The following KLHDC4 variants were observed in gnomAD, a reference collection of about 807,000 sequenced individuals.
The protein encoded by KLHDC4 is kelch domain-containing protein 4.
Under a neutral mutation model 62.4 loss-of-function variants are expected in KLHDC4, and 90 were observed. The ratio of observed to expected loss-of-function variants is 1.44; its 90% confidence interval spans 1.22 to 1.72. The LOEUF (loss-of-function observed/expected upper bound fraction) is 1.72. KLHDC4 is among the 40% of genes most tolerant of loss of function. KLHDC4 has a pLI of 0.00. For synonymous variants in KLHDC4, 386 were observed against 284.4 expected, an observed-to-expected ratio of 1.36 and a Z score of -3.59; for missense variants, 1,025 against 699.7, an observed-to-expected ratio of 1.47 and a Z score of -5.25.
chr16:87,742,918 A>T (rs2042444465), intron 5 of KLHDC4: 1 of 152,262 alleles, frequency 6.6e-6, no homozygotes, highest in Non-Finnish European at 1.5e-5. Context: ...GCTGTAGTCC[A>T]GTGTCTGCCA....
intron 2 of KLHDC4, among the ~76,000 whole-genome samples, chr16:87,757,802 G>A (rs1481325725): frequency 3.9e-5 from 6 of 152,134 alleles, no homozygotes; most frequent in African/African-American, 7.2e-5. Flanking sequence ...TGAGGCAGGA[G>A]GATCACTTGA....
At chr16:87,725,532 CAA>C (rs1404560961) in intron 7 of KLHDC4, among the ~76,000 whole-genome samples, 2 of 152,176 alleles carry the variant, frequency 1.3e-5, no homozygotes, top group African/African-American at 4.8e-5. Context: ...AAAATTCTTT[CAA>C]AAGTTAGCTG....
chr16:87,750,590 G>C (rs1483054937), intron 4 of KLHDC4, among the ~76,000 whole-genome samples: 3 of 152,238 alleles, frequency 2.0e-5, no homozygotes, highest in African/African-American at 7.2e-5. Flanking sequence ...ACAGGGCGCA[G>C]AGAGGGCTGG....
intron 5 of KLHDC4, among the ~76,000 whole-genome samples, chr16:87,732,322 C>T (rs1279860338): frequency 6.6e-6 from 1 of 152,130 alleles, no homozygotes; most frequent in African/African-American, 2.4e-5. Context: ...TCTCGAACTC[C>T]TGACCTCAGG....
intron 5 of KLHDC4, among the ~76,000 whole-genome samples, chr16:87,737,496 G>C (rs1332184427): frequency 6.6e-6 from 1 of 152,052 alleles, no homozygotes; most frequent in African/African-American, 2.4e-5. Context: ...GCTGAGGCAA[G>C]AGAATCACTT....
chr16:87,703,370 T>C (rs934889730), downstream of KLHDC4: 2 of 151,988 alleles, frequency 1.3e-5, no homozygotes, highest in African/African-American at 4.8e-5. Context: ...GACCAGGGCA[T>C]GTCTCCCCCA....
intron 2 of KLHDC4, chr16:87,757,613 G>C (rs1224249593): frequency 6.6e-6 from 1 of 152,122 alleles, no homozygotes; most frequent in African/African-American, 2.4e-5. Flanking sequence ...TTATGGGCCA[G>C]GCCCGGTGGC....
downstream of KLHDC4, among the ~76,000 whole-genome samples, chr16:87,706,104 G>T (rs1226627488): frequency 1.4e-5 from 2 of 147,782 alleles, no homozygotes; most frequent in Non-Finnish European, 3.0e-5. Flanking sequence ...GGGCGGGCGG[G>T]CTGCCGGCGC....
At chr16:87,721,310 C>G (rs947431459) in intron 7 of KLHDC4, among the ~76,000 whole-genome samples, 5 of 151,526 alleles carry the variant, frequency 3.3e-5, no homozygotes, top group African/African-American at 4.9e-5. Context: ...GTCCCACCTA[C>G]TCCGGAGGCA....
intron 4 of KLHDC4, among the ~76,000 whole-genome samples, chr16:87,752,662 C>A (rs770123923): frequency 2.0e-5 from 3 of 152,118 alleles, no homozygotes; most frequent in African/African-American, 7.2e-5. Context: ...ATCCTTTCCT[C>A]CATCTTAGTT....
chr16:87,751,282 T>C (rs555046656), intron 4 of KLHDC4, among the ~76,000 whole-genome samples: 11 of 152,244 alleles, frequency 7.2e-5, no homozygotes, highest in African/African-American at 2.6e-4. Flanking sequence ...GAGACCAGCC[T>C]GACCAACATG....
intron 7 of KLHDC4, among the ~76,000 whole-genome samples, chr16:87,721,797 C>T (rs1277506329): frequency 6.6e-6 from 1 of 152,234 alleles, no homozygotes; most frequent in Non-Finnish European, 1.5e-5. Flanking sequence ...TATGCATGGA[C>T]GTTATCTCCT....
At chr16:87,714,468 G>T (rs2036531953) in intron 8 of KLHDC4, 30 bp downstream of exon 8, 1 of 1,612,182 alleles carries the variant, frequency 6.2e-7, no homozygotes, top group East Asian at 2.2e-5. Context: ...AGACCAGCCA[G>T]CTCCCGCCCT....
At chr16:87,760,340 G>A (rs2045670324) in intron 2 of KLHDC4, among the ~76,000 whole-genome samples, 1 of 151,588 alleles carries the variant, frequency 6.6e-6, no homozygotes, top group Non-Finnish European at 1.5e-5. Context: ...GGGCACGGTG[G>A]CTCACGCCTG....
intron 4 of KLHDC4, 35 bp downstream of exon 4, chr16:87,755,159 G>T: frequency 1.4e-6 from 2 of 1,420,652 alleles, no homozygotes; most frequent in Middle Eastern, 1.9e-4. Flanking sequence ...CACGTGGGAA[G>T]AGGGAGGGTG....
Position 87,719,581 on chromosome 16 carries a change from G to A in KLHDC4, c.760-5008C>T, listed in dbSNP as rs1214647459. 7.3e-5 allele frequency among the ~76,000 whole-genome samples: 11 copies of A among 151,474 alleles called. No homozygotes were observed. The East Asian group carries it at 1.9e-3, about 27-fold the overall frequency. On this transcript the variant is annotated intron_variant, in intron 7 of 11. Transcript: ENST00000270583. ...GAAAACCAGAGACCTTTGTTCACATGTTTATCTGCTGACCTTCCCTCCACT... is the reference window on the plus strand; with the variant it reads ...GAAAACCAGAGACCTTTGTTCACATATTTATCTGCTGACCTTCCCTCCACT...
At chr16:87,723,787 G>C (rs956086620) in intron 7 of KLHDC4, among the ~76,000 whole-genome samples, 8 of 152,284 alleles carry the variant, frequency 5.3e-5, no homozygotes, top group African/African-American at 9.6e-5. Context: ...CTGCAGGCAT[G>C]TGATTTTCAA....
chr16:87,734,966 T>C (rs1356309768), intron 5 of KLHDC4, among the ~76,000 whole-genome samples: 1 of 31,708 alleles, frequency 3.2e-5, no homozygotes, highest in East Asian at 8.8e-4. Flanking sequence ...ACGAATTGCC[T>C]GACGCCCCTC....
chr16:87,701,651 G>C (rs755626383), exon 1 of KLHDC4: 1 of 454,132 alleles, frequency 2.2e-6, no homozygotes. Flanking sequence ...ACTGCCACTC[G>C]TCCGCCTCGT....
Sources: allele counts gnomAD v4.1 joint callset (sites outside exome capture counted in the v4.1 genomes callset), GRCh38; gene constraint gnomAD v4.1.1; transcripts MANE v1.5; gene names NCBI Gene and HGNC (gene_info 2026-07-23, HGNC 2026-07-21).